Variants in SLC9A5 observed in about 807,000 individuals in gnomAD.
The protein encoded by SLC9A5 is solute carrier family 9 member A5, also known as sodium/hydrogen exchanger 5.
A neutral mutation model predicts 91.7 loss-of-function variants in SLC9A5; 52 were observed. The observed-to-expected ratio is 0.57, with a 90% confidence interval of 0.45 to 0.71. The LOEUF is 0.71. SLC9A5 is among the 30% of genes least tolerant of loss of function. The pLI, the probability that SLC9A5 is intolerant of heterozygous loss-of-function variation, is 0.00. For synonymous variants in SLC9A5, 419 were observed against 474.5 expected (o/e 0.88, Z 1.52); for missense variants, 871 against 1,158.9 (o/e 0.75, Z 3.61).
chr16:67,256,393 G>A lies in SLC9A5; in HGVS notation c.912-76G>A. The A allele has an allele frequency of 1.0e-6, 1 of 994,926 alleles. No homozygotes were observed. The highest frequency in any genetic ancestry group is 1.3e-5 in the South Asian group (1 of 76,494). The allele number at this position is 994,926 out of a possible 1,614,324, so 61.6% of individuals were successfully genotyped here. On this transcript the variant is annotated intron_variant, in intron 5 of 15. Coordinates refer to ENST00000299798, the MANE Select transcript of SLC9A5 (RefSeq NM_004594.3). The surrounding 1 kb of genome is among the most constrained non-coding windows in gnomAD (Gnocchi z 4.1). The stretch of plus-strand genomic sequence containing the variant: ...CCTGTAATGGGCAATGCCCCCTCCT[G>A]CAGTATGCTCAAACCCTGGAGGCTG...
chr16:67,265,009 A>G (rs1409526425), intron 13 of SLC9A5, 31 bp from the exon 14 acceptor site: 1 of 1,613,148 alleles, frequency 6.2e-7, no homozygotes, highest in Admixed American at 1.7e-5. Context: ...AGCCGGGGCC[A>G]GAGGCTCAGG....
intron 2 of SLC9A5, 83 bp from the exon 3 acceptor site, chr16:67,254,938 G>A: frequency 7.3e-7 from 1 of 1,372,498 alleles, no homozygotes; most frequent in Non-Finnish European, 1.0e-6. Flanking sequence ...AGCAGGGGTG[G>A]GGCCTGGGCT....
At chr16:67,266,852 T>TTC (rs1555500709) in intron 15 of SLC9A5, among the ~76,000 whole-genome samples, 12,869 of 142,748 alleles carry the variant, frequency 0.09, 1,006 homozygotes, top group African/African-American at 0.22. Flanking sequence ...ATTCTTTTCT[T>TTC]TTTTTTTTTT....
At position 67,255,582 on chromosome 16, in the gene SLC9A5, C is replaced by T. The variant is rs766092203; in HGVS notation, c.733+111C>T. On this transcript the variant is annotated intron_variant, in intron 4 of 15. Coordinates refer to ENST00000299798, the MANE Select transcript of SLC9A5 (RefSeq NM_004594.3). The surrounding 1 kb of genome is among the most constrained non-coding windows in gnomAD (Gnocchi z 4.9). ...GAGGCTATTCGGGTTGCCTCATCTC[C>T]TCTATAGAGAAATGGGGTCTGGGAG... 2 of 1,335,840 alleles carry T rather than the reference C, an allele frequency of 1.5e-6. No homozygotes were observed. Among genetic ancestry groups the T allele is most frequent in the Admixed American group, 1.9e-5 (1 of 53,668 alleles). 82.7% of individuals were successfully genotyped at this position (1,335,840 alleles called of 1,614,324 possible).
At position 67,271,181 on chromosome 16, in the gene SLC9A5, A is replaced by G. The variant is rs2035912286; in HGVS notation, c.2662A>G (p.Ile888Val). ...SPGTATSHWC[I>V]QFNRGSRL ...AGGCACCGCTACCTCCCACTGGTGC[A>G]TCCAGTTCAACAGAGGCAGCCGGCT... The change falls in exon 16 of 16, where the codon ATC becomes GTC. Residue 888 changes from isoleucine (I) to valine (V), a missense_variant. Physicochemically the swap from Ile to Val is conservative, Grantham distance 29. Coordinates refer to ENST00000299798, the MANE Select transcript of SLC9A5 (RefSeq NM_004594.3). 5 of 1,612,792 alleles carry G rather than the reference A, an allele frequency of 3.1e-6. No individual in the cohort carries two copies. Among genetic ancestry groups the G allele is most frequent in the Non-Finnish European group, 3.4e-6 (4 of 1,179,992 alleles).
At position 67,252,768 on chromosome 16, in the gene SLC9A5, T is replaced by C; in HGVS notation, c.414T>C (p.Tyr138=). ...ACAACTTGGGTGCCATCCTCACCTA[T>C]GCCGTGGTAGGCACACTCTGGAATG... is the stretch of plus-strand genomic sequence containing the variant. ...FFDNLGAILT[Y]AVVGTLWNAF... Residue 138 remains tyrosine (Y), a synonymous_variant, in exon 2 of 16, where the codon TAT becomes TAC. Coordinates refer to ENST00000299798, the MANE Select transcript of SLC9A5 (RefSeq NM_004594.3). This position sits in a 1 kb window ranked among gnomAD's most constrained non-coding sequence, Gnocchi z 4.0. 1 of 1,614,172 alleles carries C rather than the reference T, an allele frequency of 6.2e-7. No homozygotes were observed. The highest frequency in any genetic ancestry group is 8.5e-7 in the Non-Finnish European group (1 of 1,180,034).
chr16:67,263,989 G>C (rs2142375210), intron 12 of SLC9A5, among the ~76,000 whole-genome samples: 1 of 152,288 alleles, frequency 6.6e-6, no homozygotes, highest in South Asian at 2.1e-4. Context: ...GGCTGGGTGT[G>C]TGGGCGAAGC....
intron 15 of SLC9A5, among the ~76,000 whole-genome samples, chr16:67,268,658 TTATATA>T (rs60054219): frequency 0.011 from 446 of 42,208 alleles, 1 homozygote; most frequent in East Asian, 0.018. Context: ...ATTTCCCTGA[TTATATA>T]TATATATATA....
Position 67,257,658 on chromosome 16 carries a change from C to A in SLC9A5, c.1496+57C>A. ...GCAGCAGCCCCACCAGCCAGGGAAG[C>A]ATGGGGGATGTGCCACACTTCTGAG... On this transcript the variant is annotated intron_variant, in intron 9 of 15. Coordinates refer to ENST00000299798, the MANE Select transcript of SLC9A5 (RefSeq NM_004594.3). The surrounding 1 kb of genome is among the most constrained non-coding windows in gnomAD (Gnocchi z 5.1). 6.4e-7 allele frequency: 1 copy of A among 1,556,450 alleles called. No individual in the cohort carries two copies. Among genetic ancestry groups the A allele is most frequent in the Non-Finnish European group, 8.9e-7 (1 of 1,128,290 alleles).
rs1461983717 is a variant in SLC9A5 at position 67,259,805 on chromosome 16, C to T, written c.1716-15C>T. 1 of 1,613,522 alleles carries T rather than the reference C, an allele frequency of 6.2e-7. No individual in the cohort carries two copies. The highest frequency in any genetic ancestry group is 1.7e-5 in the Admixed American group (1 of 60,014). ...CTGCCCCCTCTCCAGCACATGTGTCCCCTGCCTCCTGCAGGAGGGAGAGTG... is the reference window on the plus strand; with the variant it reads ...CTGCCCCCTCTCCAGCACATGTGTCTCCTGCCTCCTGCAGGAGGGAGAGTG... On this transcript the variant is annotated splice_polypyrimidine_tract_variant and intron_variant, in intron 11 of 15. Coordinates refer to ENST00000299798, the MANE Select transcript of SLC9A5 (RefSeq NM_004594.3).
intron 12 of SLC9A5, chr16:67,261,285 C>T (rs945253603): frequency 6.6e-5 from 10 of 152,262 alleles, no homozygotes; most frequent in Admixed American, 2.6e-4. Context: ...ATCTGCTAAA[C>T]TCCCAGGTCT....
chr16:67,262,095 A>G (rs1294461669), intron 12 of SLC9A5: 2 of 338,580 alleles, frequency 5.9e-6, no homozygotes, highest in African/African-American at 2.1e-5. Flanking sequence ...CCATCATCCC[A>G]TTGTTTGGTT....
chr16:67,254,642 C>A (rs1296910116), intron 2 of SLC9A5, among the ~76,000 whole-genome samples: 1 of 152,188 alleles, frequency 6.6e-6, no homozygotes, highest in East Asian at 1.9e-4. Context: ...GGTGATCCAG[C>A]CCACCTCGGC....
In SLC9A5 at chr16:67,257,695, C is replaced by A; in HGVS notation, c.1496+94C>A. 1 of 1,351,696 alleles carries A rather than the reference C, an allele frequency of 7.4e-7. No homozygotes were observed. The highest frequency in any genetic ancestry group is 1.1e-6 in the Non-Finnish European group (1 of 951,322). 83.7% of individuals were successfully genotyped at this position (1,351,696 alleles called of 1,614,324 possible). ...GCCACACTTCTGAGAAGGGACAGAG[C>A]CAGGTTCAGGCTGGGTGACCTCTGC... On this transcript the variant is annotated intron_variant, in intron 9 of 15. Coordinates refer to ENST00000299798, the MANE Select transcript of SLC9A5 (RefSeq NM_004594.3). The surrounding 1 kb of genome is among the most constrained non-coding windows in gnomAD (Gnocchi z 5.1).
Position 67,271,218 on chromosome 16 carries a change from C to A in SLC9A5, c.*8C>A. 1 of 1,606,216 alleles carries A rather than the reference C, an allele frequency of 6.2e-7. No homozygotes were observed. On this transcript the variant is annotated 3_prime_UTR_variant, in exon 16 of 16. Coordinates refer to ENST00000299798, the MANE Select transcript of SLC9A5 (RefSeq NM_004594.3). ...AGAGGCAGCCGGCTGTAGCTCAAGG[C>A]CTCGGGGAGGAGCAGGAGGTGGAAT...
rs774344640 is a variant in SLC9A5, at chr16:67,252,808, G to T, written c.454G>T (p.Ala152Ser). 1 of 1,613,402 alleles carries T rather than the reference G, an allele frequency of 6.2e-7. No homozygotes were observed. Residue 152 changes from alanine (A) to serine (S), a missense_variant, in exon 2 of 16, where the codon GCT becomes TCT. This residue lies in a region of SLC9A5 where 454 missense variants were observed against 718.3 expected (regional missense o/e 0.63). Transcript: ENST00000299798. The surrounding 1 kb of genome is among the most constrained non-coding windows in gnomAD (Gnocchi z 4.0). ...GTLWNAFTTG[A>S]ALWGLQQAGL... ...ACTCTGGAATGCCTTCACAACAGGC[G>T]CTGCCCTCTGGGGCTTGCAGCAGGC...
Position 67,257,006 on chromosome 16 carries a change from G to T in SLC9A5, c.1228G>T (p.Ala410Ser), listed in dbSNP as rs2035344007. Reference sequence around the variant, plus strand: ...GATGTCCTATGGGGGCCTGCGGGGGGCTGTGGCCTTTGCTCTCGTCATCCT... The same window carrying T: ...GATGTCCTATGGGGGCCTGCGGGGGTCTGTGGCCTTTGCTCTCGTCATCCT... ...VVMSYGGLRG[A>S]VAFALVILLD... The change falls in exon 7 of 16, where the codon GCT becomes TCT. Residue 410 changes from alanine (A) to serine (S), a missense_variant. By Grantham distance (99) the Ala-to-Ser change is moderately conservative (BLOSUM62 1). Coordinates refer to ENST00000299798, the MANE Select transcript of SLC9A5 (RefSeq NM_004594.3). This position sits in a 1 kb window ranked among gnomAD's most constrained non-coding sequence, Gnocchi z 5.1. The T allele has an allele frequency of 6.2e-7, 1 of 1,614,020 alleles. No homozygotes were observed. The highest frequency in any genetic ancestry group is 1.7e-4 in the Middle Eastern group (1 of 6,060).
chr16:67,261,733 T>C (rs1041269812), intron 12 of SLC9A5: 1 of 152,276 alleles, frequency 6.6e-6, no homozygotes, highest in African/African-American at 2.4e-5. Flanking sequence ...AGAAGCTGGA[T>C]ACTTTCTCTT....
In SLC9A5 at chr16:67,271,380, G is replaced by T. The variant is rs2035919829; in HGVS notation, c.*170G>T. ...GTCACCTAAGCTGGTCCTCACAGGG[G>T]CCTTTCTCACCACCTCCCTGCTCCT... is the stretch of plus-strand genomic sequence containing the variant. On this transcript the variant is annotated 3_prime_UTR_variant, in exon 16 of 16. Transcript: ENST00000299798. 1.6e-6 allele frequency: 1 copy of T among 627,612 alleles called. No individual in the cohort carries two copies. Among genetic ancestry groups the T allele is most frequent in the South Asian group, 1.9e-5 (1 of 53,022 alleles). The allele number at this position is 627,612 out of a possible 1,614,324, so 38.9% of individuals were successfully genotyped here.
Sources: gnomAD v4.1 joint callset for allele counts (sites outside exome capture counted in the v4.1 genomes callset) on GRCh38, gnomAD v4.1.1 for gene constraint, gnomAD v4.1.1 regional missense constraint, Gnocchi (gnomAD v3.1) non-coding constraint, MANE v1.5 for transcripts, NCBI Gene and HGNC (gene_info 2026-07-23, HGNC 2026-07-21) for gene names.